NR3C2: variants seen among roughly 807,000 people sequenced by gnomAD.
NR3C2 encodes mineralocorticoid receptor.
In NR3C2, 15 loss-of-function variants were observed where a neutral mutation model predicts 86.4. That is an observed-to-expected ratio of 0.17 (90% CI 0.12 to 0.27). The LOEUF (loss-of-function observed/expected upper bound fraction) is 0.27, where lower values mean the gene tolerates loss of function less well. Ranked by LOEUF, NR3C2 falls within the 10% of genes least tolerant of loss-of-function variation. The pLI is 1.00. For missense variants in NR3C2, 960 were observed against 1,195.6 expected (o/e 0.80, Z 2.91); for synonymous variants, 458 against 450.5 (o/e 1.02, Z -0.21).
intron 2 of NR3C2, among the ~76,000 whole-genome samples, chr4:148,321,845 G>C (rs1352820207): frequency 6.6e-6 from 1 of 152,164 alleles, no homozygotes; most frequent in Non-Finnish European, 1.5e-5. Context: ...TTGCCAGTCT[G>C]TGTCTTTTAA....
intron 8 of NR3C2, among the ~76,000 whole-genome samples, chr4:148,090,888 C>A (rs755970321): frequency 6.6e-6 from 1 of 152,212 alleles, no homozygotes; most frequent in Non-Finnish European, 1.5e-5. Context: ...ATGGGACCTT[C>A]GTGCATAACC....
At chr4:148,179,867 A>G (rs1034632547) in intron 4 of NR3C2, among the ~76,000 whole-genome samples, 1 of 151,804 alleles carries the variant, frequency 6.6e-6, no homozygotes, top group Non-Finnish European at 1.5e-5. Context: ...ATATGGCTTA[A>G]TTTATATGTG....
chr4:148,219,531 C>T (rs911369965), intron 3 of NR3C2, among the ~76,000 whole-genome samples: 7 of 152,134 alleles, frequency 4.6e-5, no homozygotes, highest in Non-Finnish European at 1.0e-4. Context: ...ATTAATTGCC[C>T]TTTTCATTCT....
chr4:148,435,251 C>A lies in NR3C2; in HGVS notation c.1610G>T (p.Arg537Leu). The A allele has an allele frequency of 6.2e-7, 1 of 1,614,156 alleles. No homozygotes were observed. Among genetic ancestry groups the A allele is most frequent in the Non-Finnish European group, 8.5e-7 (1 of 1,180,032 alleles). Residue 537 changes from arginine to leucine, a missense_variant, in exon 2 of 9, where the codon CGA becomes CTA. By Grantham distance (102) the Arg-to-Leu change is moderately radical (BLOSUM62 -2). This residue lies in a region of NR3C2 where 680 missense variants were observed against 719.0 expected (regional missense o/e 0.95). Coordinates refer to ENST00000358102, the MANE Select transcript of NR3C2 (RefSeq NM_000901.5). ...IGAQGTISLS[R>L]SARDQSFQHL... ...TTGGAAAGATTGGTCTCTAGCCGAT[C>A]GTGATAAAGATATTGTACCTTGAGC... is the stretch of plus-strand genomic sequence containing the variant.
rs998938534 is a variant in NR3C2 at position 148,435,101 on chromosome 4, T to C, written c.1757+3A>G. 11 of 1,613,990 alleles carry C rather than the reference T, an allele frequency of 6.8e-6. No homozygotes were observed. In the Admixed American group the frequency reaches 1.7e-4, roughly 24 times the overall value. ...TCCAAAAAAATGGAGAAAACCAACT[T>C]ACCTTGATACATTTTCTGGAATGTA... is the stretch of plus-strand genomic sequence containing the variant. On this transcript the variant is annotated splice_donor_region_variant and intron_variant, in intron 2 of 8. Transcript: ENST00000358102.
At chr4:148,282,256 G>A (rs1381875732) in intron 2 of NR3C2, among the ~76,000 whole-genome samples, 2 of 152,000 alleles carry the variant, frequency 1.3e-5, no homozygotes, top group Non-Finnish European at 2.9e-5. Flanking sequence ...TATCAAACTC[G>A]TGGCCTCAAG....
intron 2 of NR3C2, among the ~76,000 whole-genome samples, chr4:148,302,919 A>G (rs956549149): frequency 3.3e-5 from 5 of 151,936 alleles, no homozygotes; most frequent in Non-Finnish European, 7.4e-5. Flanking sequence ...CCTCAAGAAG[A>G]GAGAAGTTTA....
At chr4:148,360,930 G>A (rs994127734) in intron 2 of NR3C2, among the ~76,000 whole-genome samples, 1 of 152,070 alleles carries the variant, frequency 6.6e-6, no homozygotes, top group African/African-American at 2.4e-5. Context: ...GTGTATGACT[G>A]GCCACAGCTG....
chr4:148,379,416 C>T (rs879721446), intron 2 of NR3C2, among the ~76,000 whole-genome samples: 7 of 152,138 alleles, frequency 4.6e-5, no homozygotes, highest in African/African-American at 7.2e-5. Flanking sequence ...CAAAGCAGAA[C>T]GGCAACATGC....
intron 3 of NR3C2, among the ~76,000 whole-genome samples, chr4:148,215,547 TA>T (rs1299877186): frequency 9.2e-5 from 14 of 152,204 alleles, no homozygotes; most frequent in African/African-American, 3.4e-4. Flanking sequence ...TGACCAAGGA[TA>T]TGCATTTGTA....
chr4:148,398,274 G>C, intron 2 of NR3C2, among the ~76,000 whole-genome samples: 1 of 152,144 alleles, frequency 6.6e-6, no homozygotes, highest in East Asian at 1.9e-4. Flanking sequence ...CCCACTACAG[G>C]TGTTGCTCAC....
intron 3 of NR3C2, among the ~76,000 whole-genome samples, chr4:148,240,270 A>T (rs13112089): frequency 1.4e-5 from 2 of 147,784 alleles, no homozygotes; most frequent in East Asian, 1.9e-4. Context: ...AAATATATAT[A>T]TTTTATATAT....
At chr4:148,180,471 ACT>A (rs1560963397) in intron 4 of NR3C2, among the ~76,000 whole-genome samples, 1 of 152,170 alleles carries the variant, frequency 6.6e-6, no homozygotes, top group Non-Finnish European at 1.5e-5. Context: ...TCTTCTGCTT[ACT>A]AACACTGTTA....
chr4:148,359,426 T>C (rs1286104527), intron 2 of NR3C2, among the ~76,000 whole-genome samples: 12 of 152,218 alleles, frequency 7.9e-5, no homozygotes. Flanking sequence ...GGGTTAGATG[T>C]ACGATCTATA....
At chr4:148,327,509 G>T (rs943512818) in intron 2 of NR3C2, among the ~76,000 whole-genome samples, 1 of 152,152 alleles carries the variant, frequency 6.6e-6, no homozygotes, top group South Asian at 2.1e-4. Flanking sequence ...ACCTCTAAAG[G>T]TATGGAATGC....
intron 3 of NR3C2, among the ~76,000 whole-genome samples, chr4:148,216,213 T>G (rs531423429): frequency 6.6e-6 from 1 of 152,190 alleles, no homozygotes; most frequent in East Asian, 1.9e-4. Flanking sequence ...CACAAAATAT[T>G]TTTGACTCCC....
intron 2 of NR3C2, among the ~76,000 whole-genome samples, chr4:148,402,524 T>A (rs1358850977): frequency 1.3e-5 from 2 of 152,224 alleles, no homozygotes; most frequent in African/African-American, 4.8e-5. Context: ...GGGACTGGTA[T>A]AGAGACTGAT....
intron 2 of NR3C2, among the ~76,000 whole-genome samples, chr4:148,303,402 C>T (rs966096970): frequency 6.6e-6 from 1 of 152,052 alleles, no homozygotes; most frequent in Non-Finnish European, 1.5e-5. Context: ...AATAGGGTGC[C>T]TATCATCCAG....
At chr4:148,415,049 T>A (rs1560720337) in intron 2 of NR3C2, among the ~76,000 whole-genome samples, 1 of 152,254 alleles carries the variant, frequency 6.6e-6, no homozygotes, top group Non-Finnish European at 1.5e-5. Flanking sequence ...GCTCAAAATT[T>A]CCAGTGATTC....
Sources: allele counts gnomAD v4.1 joint callset (sites outside exome capture counted in the v4.1 genomes callset), GRCh38; gene constraint gnomAD v4.1.1; regional missense constraint gnomAD v4.1.1; transcripts MANE v1.5; gene names NCBI Gene and HGNC (gene_info 2026-07-23, HGNC 2026-07-21).